The following PIGU variants were observed in gnomAD, a reference collection of about 807,000 sequenced individuals.
PIGU encodes the protein GPI-anchor transamidase component PIGU.
A neutral mutation model predicts 49.9 loss-of-function variants in PIGU; 24 were observed. The ratio of observed to expected loss-of-function variants is 0.48; its 90% CI spans 0.35 to 0.68. The LOEUF (loss-of-function observed/expected upper bound fraction) is 0.68, where lower values mean the gene tolerates loss of function less well. Ranked by LOEUF, PIGU falls within the 30% of genes least tolerant of loss-of-function variation. The probability of loss-of-function intolerance (pLI) is 0.01; values close to 1 mark genes in which losing one functional copy is unlikely to be tolerated. For missense variants in PIGU, 490 were observed against 532.6 expected (o/e 0.92, Z 0.79); for synonymous variants, 220 against 205.7 (o/e 1.07, Z -0.59).
At chr20:34,639,452 AG>A (rs749619236) in intron 4 of PIGU, among the ~76,000 whole-genome samples, 13 of 152,060 alleles carry the variant, frequency 8.5e-5, no homozygotes, top group Non-Finnish European at 1.6e-4. Context: ...ATATAATAAA[AG>A]TCAAGGCCAT....
chr20:34,586,733 A>C (rs1320876604), intron 8 of PIGU, among the ~76,000 whole-genome samples: 1 of 152,192 alleles, frequency 6.6e-6, no homozygotes, highest in East Asian at 1.9e-4. Flanking sequence ...TGCAATACTC[A>C]AGTCCATTTG....
intron 1 of PIGU, among the ~76,000 whole-genome samples, chr20:34,675,020 A>G (rs1245715948): frequency 6.6e-6 from 1 of 151,314 alleles, no homozygotes; most frequent in Admixed American, 6.6e-5. Flanking sequence ...AGGCCGAGGA[A>G]GGCAGATCAC....
intron 3 of PIGU, 131 bp downstream of exon 3, chr20:34,645,144 A>C: frequency 9.8e-7 from 1 of 1,020,970 alleles, no homozygotes; most frequent in South Asian, 2.4e-5. Flanking sequence ...ACTTAAGTCC[A>C]GGAGTCCAAG....
intron 1 of PIGU, among the ~76,000 whole-genome samples, chr20:34,669,290 G>A (rs1209622077): frequency 6.6e-6 from 1 of 152,092 alleles, no homozygotes; most frequent in Admixed American, 6.6e-5. Flanking sequence ...TATTAACATT[G>A]GGGGAAGCTG....
At chr20:34,578,136 T>G (rs1983314283) in intron 10 of PIGU, among the ~76,000 whole-genome samples, 1 of 152,016 alleles carries the variant, frequency 6.6e-6, no homozygotes, top group Non-Finnish European at 1.5e-5. Context: ...GTCACCCGAG[T>G]TTATTGAAAC....
intron 11 of PIGU, among the ~76,000 whole-genome samples, chr20:34,568,603 AT>A (rs1452097835): frequency 2.0e-5 from 3 of 152,150 alleles, no homozygotes; most frequent in Non-Finnish European, 4.4e-5. Context: ...GTCTCCAAGC[AT>A]TTCCTCATAG....
intron 1 of PIGU, among the ~76,000 whole-genome samples, chr20:34,674,879 C>G (rs905240976): frequency 4.7e-5 from 7 of 148,476 alleles, no homozygotes. Context: ...CCCGAGAGGT[C>G]AAGGCTGCAG....
chr20:34,632,645 G>T (rs1985824974), intron 6 of PIGU, among the ~76,000 whole-genome samples: 1 of 152,128 alleles, frequency 6.6e-6, no homozygotes, highest in South Asian at 2.1e-4. Context: ...GATTACAGGT[G>T]TAAGCCACTG....
At chr20:34,620,053 C>A (rs573548191) in intron 6 of PIGU, among the ~76,000 whole-genome samples, 29 of 152,280 alleles carry the variant, frequency 1.9e-4, no homozygotes, top group African/African-American at 5.5e-4. Flanking sequence ...CTCCCAACCA[C>A]CTCCCATCCA....
chr20:34,630,424 T>C (rs1420172297), intron 6 of PIGU, among the ~76,000 whole-genome samples: 1 of 152,136 alleles, frequency 6.6e-6, no homozygotes, highest in Non-Finnish European at 1.5e-5. Flanking sequence ...AAAAAAACCC[T>C]AACTCTGCTA....
rs541971935 is a variant in PIGU, at chr20:34,659,611, G to C, written c.131-2367C>G. On this transcript the variant is annotated intron_variant, in intron 1 of 11. Transcript: ENST00000217446. ...AATGGCGGTTTTGTGGAATAGAAAGGGGGGAAAGGTGGGGAAAAGATTGAG... is the reference window on the plus strand; with the variant it reads ...AATGGCGGTTTTGTGGAATAGAAAGCGGGGAAAGGTGGGGAAAAGATTGAG... Among the ~76,000 whole-genome samples the C allele has an allele frequency of 6.0e-4, 91 of 152,334 alleles. No individual in the cohort carries two copies. In the South Asian group the frequency reaches 0.018, roughly 31 times the overall value.
chr20:34,634,684 A>C lies in PIGU; in HGVS notation c.460T>G (p.Cys154Gly), dbSNP rs929255270. The change falls in exon 6 of 12, where the codon TGT becomes GGT. Residue 154 changes from cysteine (C) to glycine (G), a missense_variant. Cys to Gly is a radical substitution (Grantham distance 159). Transcript: ENST00000217446. ...YLLNPYTILS[C>G]VAKSTCAINN... ...ATGGCACAGGTAGACTTGGCAACAC[A>C]AGACAAAATCGTGTAAGGATTTAAG... 2 of 1,612,974 alleles carry C rather than the reference A, an allele frequency of 1.2e-6. No individual in the cohort carries two copies. The highest frequency in any genetic ancestry group is 1.7e-5 in the Admixed American group (1 of 59,976).
chr20:34,638,108 C>T, intron 4 of PIGU, 123 bp from the exon 5 acceptor site: 9 of 1,387,024 alleles, frequency 6.5e-6, no homozygotes, highest in Non-Finnish European at 7.4e-6. Context: ...GGCCCTACCT[C>T]TCCAGGCTCA....
intron 9 of PIGU, among the ~76,000 whole-genome samples, chr20:34,585,235 C>T (rs1227611357): frequency 1.3e-5 from 2 of 152,238 alleles, no homozygotes; most frequent in African/African-American, 4.8e-5. Flanking sequence ...TCCAAAGCAC[C>T]CTCACTGCAG....
chr20:34,565,846 GCA>G (rs10660666), intron 11 of PIGU, among the ~76,000 whole-genome samples: 3 of 149,058 alleles, frequency 2.0e-5, no homozygotes, highest in South Asian at 4.3e-4. Flanking sequence ...ACACACAGGT[GCA>G]CACACACAGG....
At chr20:34,574,114 G>A (rs533796313) in intron 11 of PIGU, among the ~76,000 whole-genome samples, 2 of 152,330 alleles carry the variant, frequency 1.3e-5, no homozygotes, top group South Asian at 4.1e-4. Flanking sequence ...AATGGTAAAT[G>A]GTACAAGTGA....
chr20:34,572,073 C>T (rs1983035623), intron 11 of PIGU, among the ~76,000 whole-genome samples: 1 of 152,168 alleles, frequency 6.6e-6, no homozygotes, highest in African/African-American at 2.4e-5. Context: ...AATGCATATG[C>T]CCCCTGACCC....
chr20:34,676,841 A>C (rs895752683), intron 1 of PIGU, 115 bp downstream of exon 1: 24 of 1,228,324 alleles, frequency 2.0e-5, no homozygotes, highest in Non-Finnish European at 2.2e-5. Context: ...CCCACGAGAC[A>C]GTCAGTTAGT....
chr20:34,624,530 T>C (rs758912539), intron 6 of PIGU, among the ~76,000 whole-genome samples: 1 of 152,240 alleles, frequency 6.6e-6, no homozygotes, highest in Non-Finnish European at 1.5e-5. Context: ...TAAGGAAAGC[T>C]GGAAGAACCC....
Sources: allele counts gnomAD v4.1 joint callset (sites outside exome capture counted in the v4.1 genomes callset), GRCh38; gene constraint gnomAD v4.1.1; transcripts MANE v1.5; gene names NCBI Gene and HGNC (gene_info 2026-07-23, HGNC 2026-07-21).